The following ATP13A3 variants were observed in gnomAD, a reference collection of about 807,000 sequenced individuals.
ATP13A3 encodes the protein ATPase 13A3.
ATP13A3 carries 59 observed loss-of-function variants against 158.1 expected under a neutral mutation model. The observed-to-expected ratio is 0.37, with a 90% CI of 0.30 to 0.46. The LOEUF is 0.46. ATP13A3 is among the 20% of genes least tolerant of loss of function. The pLI is 1.00. For synonymous variants in ATP13A3, 491 were observed against 504.3 expected, an observed-to-expected ratio of 0.97 and a Z score of 0.35; for missense variants, 1,166 against 1,525.2, an observed-to-expected ratio of 0.76 and a Z score of 3.92.
upstream of ATP13A3, among the ~76,000 whole-genome samples, chr3:194,491,102 C>T (rs1432221973): frequency 2.0e-5 from 3 of 152,170 alleles, no homozygotes; most frequent in Non-Finnish European, 4.4e-5. Flanking sequence ...TGAGATGGCA[C>T]CATTGTACTC....
At chr3:194,415,658 ATTC>A (rs1715781398) in intron 31 of ATP13A3, among the ~76,000 whole-genome samples, 1 of 122,924 alleles carries the variant, frequency 8.1e-6, no homozygotes, top group African/African-American at 3.6e-5. Flanking sequence ...ACAATACCAC[ATTC>A]TTTTTTTTTT....
chr3:194,482,371 G>A (rs1171697800), intron 2 of ATP13A3, among the ~76,000 whole-genome samples: 3 of 152,162 alleles, frequency 2.0e-5, no homozygotes, highest in Non-Finnish European at 4.4e-5. Flanking sequence ...GGGATTTCAA[G>A]CATGAGTCAC....
chr3:194,483,106 C>CAAAA (rs112702787), intron 2 of ATP13A3, among the ~76,000 whole-genome samples: 3 of 124,464 alleles, frequency 2.4e-5, no homozygotes, highest in Admixed American at 8.2e-5. Flanking sequence ...GACTCCGTCT[C>CAAAA]AAAAAAAAAA....
At chr3:194,473,214 T>C (rs999787742) in intron 2 of ATP13A3, among the ~76,000 whole-genome samples, 2 of 152,166 alleles carry the variant, frequency 1.3e-5, no homozygotes, top group Non-Finnish European at 2.9e-5. Context: ...AAAGCAGAAT[T>C]GCCTTTCTAA....
chr3:194,479,751 C>T (rs1720675901), intron 2 of ATP13A3, among the ~76,000 whole-genome samples: 1 of 150,950 alleles, frequency 6.6e-6, no homozygotes, highest in African/African-American at 2.4e-5. Flanking sequence ...GAAAATAATG[C>T]ATATAAAGTC....
chr3:194,448,726 T>C lies in ATP13A3; in HGVS notation c.971-90A>G, dbSNP rs1002756174. 5 of 1,225,252 alleles carry C rather than the reference T, an allele frequency of 4.1e-6. No individual in the cohort carries two copies. The highest frequency in any genetic ancestry group is 5.6e-6 in the Non-Finnish European group (5 of 889,224). 75.9% of individuals were successfully genotyped at this position (1,225,252 alleles called of 1,614,324 possible). On this transcript the variant is annotated intron_variant, in intron 11 of 33. Transcript: ENST00000645319. This position sits in a 1 kb window ranked among gnomAD's most constrained non-coding sequence, Gnocchi z 4.0. ...GTATCGAACACCAAAAAATATTAAA[T>C]TGTTAAATATTTTAAATGCTACCAT...
At chr3:194,481,575 A>G (rs1720751319) in intron 2 of ATP13A3, among the ~76,000 whole-genome samples, 1 of 152,240 alleles carries the variant, frequency 6.6e-6, no homozygotes, top group South Asian at 2.1e-4. Context: ...ATCTCTCCGC[A>G]TTATTTTCCA....
intron 22 of ATP13A3, among the ~76,000 whole-genome samples, 193 bp from the exon 23 acceptor site, chr3:194,431,419 C>T (rs145763776): frequency 2.0e-5 from 3 of 152,234 alleles, no homozygotes; most frequent in Non-Finnish European, 2.9e-5. Context: ...GATGCATGAA[C>T]TGAGTATGAT....
At chr3:194,436,168 C>T (rs941539815) in intron 20 of ATP13A3, among the ~76,000 whole-genome samples, 1 of 152,000 alleles carries the variant, frequency 6.6e-6, no homozygotes, top group African/African-American at 2.4e-5. Context: ...CCACCTCCCC[C>T]AAATAGGCAG....
intron 17 of ATP13A3, among the ~76,000 whole-genome samples, chr3:194,437,930 C>G (rs758392740): frequency 6.6e-6 from 1 of 152,098 alleles, no homozygotes; most frequent in Non-Finnish European, 1.5e-5. Flanking sequence ...GAGGCCAAGG[C>G]AGGTGGATCA....
chr3:194,476,469 T>C (rs1298364259), intron 2 of ATP13A3, among the ~76,000 whole-genome samples: 2 of 152,130 alleles, frequency 1.3e-5, no homozygotes, highest in African/African-American at 4.8e-5. Context: ...CTTTAATGAG[T>C]ATGAGTTGCC....
chr3:194,413,947 T>G, intron 31 of ATP13A3, 108 bp from the exon 32 acceptor site: 1 of 868,102 alleles, frequency 1.2e-6, no homozygotes, highest in East Asian at 2.4e-5. Context: ...ACCAAACACC[T>G]TCATATACAT....
chr3:194,471,461 C>A (rs929769435), intron 2 of ATP13A3, among the ~76,000 whole-genome samples: 4 of 152,002 alleles, frequency 2.6e-5, no homozygotes, highest in Admixed American at 2.6e-4. Context: ...TCAAGCAATT[C>A]TCTTGCCTCG....
chr3:194,487,713 G>A (rs534706245), upstream of ATP13A3: 3 of 152,402 alleles, frequency 2.0e-5, no homozygotes, highest in South Asian at 6.2e-4. Context: ...TTTTCGCTGC[G>A]TCCTCTCCGC....
At chr3:194,453,280 TAAA>T (rs35230118) in intron 10 of ATP13A3, among the ~76,000 whole-genome samples, 2,458 of 100,886 alleles carry the variant, frequency 0.024, 48 homozygotes, top group East Asian at 0.083. Flanking sequence ...ACATCGACTT[TAAA>T]AAAAAAAAAA....
chr3:194,435,314 A>C (rs1255105238), intron 20 of ATP13A3, among the ~76,000 whole-genome samples: 1 of 152,222 alleles, frequency 6.6e-6, no homozygotes, highest in Non-Finnish European at 1.5e-5. Flanking sequence ...TTCAGGCCCC[A>C]GTTTCTGGCT....
At chr3:194,442,669 T>C (rs548686965) in intron 15 of ATP13A3, among the ~76,000 whole-genome samples, 4 of 151,662 alleles carry the variant, frequency 2.6e-5, no homozygotes, top group South Asian at 2.1e-4. Context: ...GAAAAGGCCA[T>C]AATGGAAGTA....
chr3:194,438,887 G>C lies in ATP13A3; in HGVS notation c.1796C>G (p.Pro599Arg). ...TTGGTTTCCTGCAGGGGTAGATTCA[G>C]GAAGCAGTTGTTTGGGAGGACGAAC... ...TVVRPPKQLL[P>R]ESTPAGNQEM... The change falls in exon 17 of 34, where the codon CCT (proline) becomes CGT (arginine). Residue 599 changes from proline (P) to arginine (R), a missense_variant. This residue lies in a region of ATP13A3 where 997 missense variants were observed against 1,341.2 expected (regional missense o/e 0.74). Coordinates refer to ENST00000645319, the MANE Select transcript of ATP13A3 (RefSeq NM_001367549.1). The C allele has an allele frequency of 6.2e-7, 1 of 1,607,526 alleles. No homozygotes were observed. The highest frequency in any genetic ancestry group is 8.5e-7 in the Non-Finnish European group (1 of 1,175,526).
At chr3:194,417,266 G>GA (rs947165146) in intron 31 of ATP13A3, among the ~76,000 whole-genome samples, 6 of 151,974 alleles carry the variant, frequency 3.9e-5, no homozygotes, top group African/African-American at 1.5e-4. Flanking sequence ...ACTAAGAATA[G>GA]AAAAAATTAG....
Sources: gnomAD v4.1 joint callset for allele counts (sites outside exome capture counted in the v4.1 genomes callset) on GRCh38, gnomAD v4.1.1 for gene constraint, gnomAD v4.1.1 regional missense constraint, Gnocchi (gnomAD v3.1) non-coding constraint, MANE v1.5 for transcripts, NCBI Gene and HGNC (gene_info 2026-07-23, HGNC 2026-07-21) for gene names.